Variants in DAB1 observed in about 807,000 individuals in gnomAD.
DAB1 encodes the protein disabled homolog 1.
DAB1 carries 15 observed loss-of-function variants against 64.6 expected under a neutral mutation model. That is an observed-to-expected ratio of 0.23 (90% CI 0.16 to 0.36). The LOEUF (loss-of-function observed/expected upper bound fraction) is 0.36, where lower values mean the gene tolerates loss of function less well. Ranked by LOEUF, DAB1 falls within the 10% of genes least tolerant of loss-of-function variation. DAB1 has a pLI of 1.00. For missense variants in DAB1, 596 were observed against 706.7 expected, an observed-to-expected ratio of 0.84 and a Z score of 1.78; for synonymous variants, 235 against 251.9, an observed-to-expected ratio of 0.93 and a Z score of 0.64.
rs914508199 is a variant in DAB1, at chr1:58,193,103, G to A, written n.310-42515C>T. On this transcript the variant is annotated intron_variant and non_coding_transcript_variant, in intron 4 of 20. Transcript: ENST00000485760. Reference sequence around the variant, plus strand: ...AAATTTAGTCACTAATATTGGAGGCGGGGCTTAATGGGAGGGTATTTGGGT... The same window carrying A: ...AAATTTAGTCACTAATATTGGAGGCAGGGCTTAATGGGAGGGTATTTGGGT... Among the ~76,000 whole-genome samples the A allele has an allele frequency of 4.6e-5, 7 of 152,222 alleles. No homozygotes were observed. The East Asian group carries it at 7.7e-4, about 17-fold the overall frequency.
intron 4 of DAB1, among the ~76,000 whole-genome samples, chr1:58,300,654 A>AG (rs1662145135): frequency 9.7e-4 from 79 of 81,306 alleles, no homozygotes; most frequent in African/African-American, 2.0e-3. Flanking sequence ...GAGAGGAAGG[A>AG]AGGAAGGAAG....
intron 5 of DAB1, among the ~76,000 whole-genome samples, chr1:58,019,530 A>G (rs1646787530): frequency 6.6e-6 from 1 of 152,168 alleles, no homozygotes; most frequent in Admixed American, 6.5e-5. Context: ...GCTAGACACT[A>G]TCCTAGAGAT....
intron 7 of DAB1, among the ~76,000 whole-genome samples, chr1:57,451,762 G>T (rs1026488629): frequency 4.6e-5 from 7 of 152,098 alleles, no homozygotes; most frequent in Non-Finnish European, 8.8e-5. Flanking sequence ...TAAAAATCAG[G>T]TTTTTTCTCT....
chr1:57,586,583 A>G (rs1201863015), intron 7 of DAB1, among the ~76,000 whole-genome samples: 2 of 152,054 alleles, frequency 1.3e-5, no homozygotes, highest in African/African-American at 4.8e-5. Context: ...TTTTCGTCAT[A>G]CACATTCTTC....
chr1:58,432,863 C>T lies in DAB1; in HGVS notation n.257+73197G>A, dbSNP rs1009355633. 1.2e-3 allele frequency among the ~76,000 whole-genome samples: 179 copies of T among 152,224 alleles called. 2 individuals carry two copies. The highest frequency in any genetic ancestry group is 0.011 in the Admixed American group (174 of 15,292). On this transcript the variant is annotated intron_variant and non_coding_transcript_variant, in intron 3 of 20. Transcript: ENST00000485760. ...CTGGGCTTCTTTCAGGGCTCCATGG[C>T]TGGAGTTCCTGCTCTGCGAGCCCTC...
intron 5 of DAB1, chr1:58,056,307 G>C (rs773408300): frequency 6.6e-7 from 1 of 1,523,198 alleles, no homozygotes; most frequent in South Asian, 1.1e-5. Context: ...AGGCATCGAA[G>C]ACGCTCGCTT....
intron 7 of DAB1, among the ~76,000 whole-genome samples, chr1:57,431,237 G>C (rs1395716197): frequency 6.7e-6 from 1 of 149,466 alleles, no homozygotes; most frequent in African/African-American, 2.5e-5. Context: ...GTTGACTCTA[G>C]AGAAGCATGC....
At chr1:57,413,731 A>T (rs1465986388) in intron 1 of DAB1, among the ~76,000 whole-genome samples, 1 of 141,050 alleles carries the variant, frequency 7.1e-6, no homozygotes, top group Non-Finnish European at 1.5e-5. Flanking sequence ...GCGACACAGC[A>T]AGACTCTGTC....
chr1:57,961,493 G>T (rs988191665), intron 5 of DAB1, among the ~76,000 whole-genome samples: 1 of 151,978 alleles, frequency 6.6e-6, no homozygotes, highest in South Asian at 2.1e-4. Context: ...CCACCTTCCT[G>T]TCATGCTCAA....
chr1:58,330,799 C>T lies in DAB1; in HGVS notation n.309+12553G>A, dbSNP rs1374453428. Among the ~76,000 whole-genome samples, 4 of 152,324 alleles carry T rather than the reference C, an allele frequency of 2.6e-5. No homozygotes were observed. In the East Asian group the frequency reaches 5.8e-4, roughly 22 times the overall value. The stretch of plus-strand genomic sequence containing the variant: ...TTAGGCCCACTATTGAGACTGACTG[C>T]TCAGATAAAAGATTCCTTCCAAAAT... On this transcript the variant is annotated intron_variant and non_coding_transcript_variant, in intron 4 of 20. Transcript: ENST00000485760.
chr1:58,198,401 G>C (rs1238184734), intron 4 of DAB1, among the ~76,000 whole-genome samples: 1 of 152,178 alleles, frequency 6.6e-6, no homozygotes, highest in African/African-American at 2.4e-5. Flanking sequence ...GTAGCAGATA[G>C]GCAAAGGTGA....
At chr1:58,545,039 G>T (rs774562353) in intron 1 of DAB1, among the ~76,000 whole-genome samples, 14 of 152,112 alleles carry the variant, frequency 9.2e-5, no homozygotes, top group Non-Finnish European at 1.6e-4. Context: ...CTGGACTTTC[G>T]TTGGTTTTCC....
chr1:57,335,014 A>G (rs1306669341), intron 1 of DAB1, among the ~76,000 whole-genome samples: 3 of 152,186 alleles, frequency 2.0e-5, no homozygotes, highest in Non-Finnish European at 4.4e-5. Context: ...TAGCCTTTTG[A>G]TTTCTGGTTC....
intron 10 of DAB1, among the ~76,000 whole-genome samples, chr1:57,024,170 C>T (rs1003866658): frequency 3.5e-4 from 53 of 151,882 alleles, no homozygotes; most frequent in Non-Finnish European, 5.9e-4. Flanking sequence ...ATCCTGGTGC[C>T]CCCCCGCCAC....
chr1:57,341,285 C>T (rs1045434053), intron 1 of DAB1, among the ~76,000 whole-genome samples: 2 of 152,130 alleles, frequency 1.3e-5, no homozygotes, highest in African/African-American at 4.8e-5. Flanking sequence ...TCAAATCTGA[C>T]CCAGTCTGCC....
At chr1:57,671,417 G>C (rs1052275171) in intron 6 of DAB1, among the ~76,000 whole-genome samples, 3 of 152,042 alleles carry the variant, frequency 2.0e-5, no homozygotes, top group Admixed American at 1.3e-4. Context: ...TCCCAATTTA[G>C]ACCAATGAGG....
At chr1:58,025,801 T>C (rs541714472) in intron 5 of DAB1, among the ~76,000 whole-genome samples, 2 of 151,478 alleles carry the variant, frequency 1.3e-5, no homozygotes, top group African/African-American at 2.4e-5. Flanking sequence ...TTCCTTAAGA[T>C]AGCATCCAAG....
chr1:57,248,798 A>G (rs956297953), intron 2 of DAB1, among the ~76,000 whole-genome samples: 1 of 152,144 alleles, frequency 6.6e-6, no homozygotes, highest in Admixed American at 6.5e-5. Context: ...AGGTATCTGC[A>G]TTTGCTCAGG....
intron 2 of DAB1, among the ~76,000 whole-genome samples, chr1:57,269,824 C>T (rs909872782): frequency 3.9e-5 from 6 of 151,988 alleles, no homozygotes; most frequent in Non-Finnish European, 8.8e-5. Context: ...GGTTGTTGCC[C>T]GGTAATCCTC....
Sources: allele counts gnomAD v4.1 joint callset (sites outside exome capture counted in the v4.1 genomes callset), GRCh38; gene constraint gnomAD v4.1.1; transcripts MANE v1.5; gene names NCBI Gene and HGNC (gene_info 2026-07-23, HGNC 2026-07-21).